CDH12: variants seen among roughly 807,000 people sequenced by gnomAD.
CDH12 encodes the protein cadherin 12.
A neutral mutation model predicts 74.1 loss-of-function variants in CDH12; 41 were observed. That is an observed-to-expected ratio of 0.55 (90% CI 0.43 to 0.72). The LOEUF (loss-of-function observed/expected upper bound fraction) is 0.72. Ranked by LOEUF, CDH12 falls within the 30% of genes least tolerant of loss-of-function variation. CDH12 has a pLI of 0.00. For missense variants in CDH12, 945 were observed against 977.2 expected, an observed-to-expected ratio of 0.97 and a Z score of 0.44; for synonymous variants, 399 against 355.0, an observed-to-expected ratio of 1.12 and a Z score of -1.39.
intron 1 of CDH12, among the ~76,000 whole-genome samples, chr5:22,644,566 T>C (rs1739336396): frequency 6.6e-6 from 1 of 151,884 alleles, no homozygotes. Context: ...TTCATGAGGT[T>C]TGAGAAGAGA....
chr5:22,304,444 C>A (rs567744840), intron 3 of CDH12, among the ~76,000 whole-genome samples: 1 of 152,140 alleles, frequency 6.6e-6, no homozygotes, highest in African/African-American at 2.4e-5. Flanking sequence ...CAAAGTCATA[C>A]ATGTATATAT....
chr5:21,827,035 A>G (rs1748713168), intron 8 of CDH12, among the ~76,000 whole-genome samples: 1 of 152,096 alleles, frequency 6.6e-6, no homozygotes, highest in Non-Finnish European at 1.5e-5. Context: ...GTTGAGAAGA[A>G]AAAGGCACAA....
intron 6 of CDH12, among the ~76,000 whole-genome samples, chr5:21,949,062 AGT>A (rs1232409121): frequency 6.6e-6 from 1 of 152,194 alleles, no homozygotes; most frequent in Admixed American, 6.5e-5. Flanking sequence ...AATCTCAGGT[AGT>A]GTCTTTATAG....
chr5:22,474,933 T>G (rs2126611864), intron 2 of CDH12, among the ~76,000 whole-genome samples: 1 of 152,042 alleles, frequency 6.6e-6, no homozygotes, highest in South Asian at 2.1e-4. Context: ...TACATTCTAT[T>G]CTCCTATTTT....
chr5:22,738,200 A>C (rs958823736), intron 1 of CDH12, among the ~76,000 whole-genome samples: 1 of 152,010 alleles, frequency 6.6e-6, no homozygotes, highest in South Asian at 2.1e-4. Flanking sequence ...CATGACTCTC[A>C]GGGCTGTCTC....
At chr5:22,330,014 C>T (rs1739280350) in intron 3 of CDH12, among the ~76,000 whole-genome samples, 1 of 152,166 alleles carries the variant, frequency 6.6e-6, no homozygotes. Flanking sequence ...TATGGAGACA[C>T]CAGCTGTGGG....
intron 4 of CDH12, among the ~76,000 whole-genome samples, chr5:22,112,511 T>C (rs559027332): frequency 2.4e-4 from 36 of 152,072 alleles, no homozygotes; most frequent in Non-Finnish European, 4.1e-4. Flanking sequence ...AACTAAAAGG[T>C]CAGTAGAGTT....
At chr5:22,122,236 C>T (rs1197842239) in intron 4 of CDH12, among the ~76,000 whole-genome samples, 1 of 152,150 alleles carries the variant, frequency 6.6e-6, no homozygotes, top group Non-Finnish European at 1.5e-5. Context: ...AACCCCGTCT[C>T]TACTAAAAAT....
intron 3 of CDH12, among the ~76,000 whole-genome samples, chr5:22,228,552 T>C (rs571733896): frequency 1.3e-5 from 2 of 152,160 alleles, no homozygotes; most frequent in South Asian, 4.1e-4. Context: ...AGAACTCATG[T>C]TTTATAAAAG....
chr5:22,319,940 C>T lies in CDH12; in HGVS notation c.-333+85317G>A, dbSNP rs146590568. On this transcript the variant is annotated intron_variant, in intron 3 of 14. Coordinates refer to ENST00000382254, the MANE Select transcript of CDH12 (RefSeq NM_004061.5). ...GAAGAAGGATAAAAAGGGGAAGAGA[C>T]GGGAGCAGGAGAAGGGAGATGGAGA... Among the ~76,000 whole-genome samples, 956 of 151,966 alleles carry T rather than the reference C, an allele frequency of 6.3e-3. 10 individuals carry two copies. Among genetic ancestry groups the T allele is most frequent in the African/African-American group, 0.022 (893 of 41,434 alleles).
chr5:21,795,725 A>G (rs939482842), intron 10 of CDH12, among the ~76,000 whole-genome samples: 6 of 152,000 alleles, frequency 3.9e-5, no homozygotes, highest in Non-Finnish European at 8.8e-5. Context: ...ACATACTGCT[A>G]TAGAATGTCA....
intron 6 of CDH12, chr5:21,889,717 C>T (rs1478671330): frequency 1.0e-6 from 1 of 985,062 alleles, no homozygotes; most frequent in Non-Finnish European, 1.2e-6. Context: ...CTAGACATCT[C>T]AAAACAATAT....
intron 1 of CDH12, among the ~76,000 whole-genome samples, chr5:22,776,703 A>G (rs997101095): frequency 1.3e-5 from 2 of 152,222 alleles, no homozygotes; most frequent in African/African-American, 4.8e-5. Flanking sequence ...AAATCAGTTA[A>G]GTAATTTGTG....
At chr5:22,242,734 G>C (rs563277268) in intron 3 of CDH12, among the ~76,000 whole-genome samples, 1 of 151,992 alleles carries the variant, frequency 6.6e-6, no homozygotes, top group Non-Finnish European at 1.5e-5. Context: ...CTGGCCTCCC[G>C]CTCCTCTTGG....
intron 1 of CDH12, among the ~76,000 whole-genome samples, chr5:22,748,038 G>A (rs1340821063): frequency 6.6e-6 from 1 of 152,274 alleles, no homozygotes; most frequent in Non-Finnish European, 1.5e-5. Context: ...AAGTGAAGAT[G>A]TTTGCCACTG....
chr5:22,426,899 A>T (rs147292521), intron 2 of CDH12, among the ~76,000 whole-genome samples: 99 of 152,258 alleles, frequency 6.5e-4, no homozygotes, highest in Non-Finnish European at 8.2e-4. Context: ...TTCACAGAAC[A>T]AAATGTTTTC....
chr5:21,945,996 T>G (rs1755562347), intron 6 of CDH12, among the ~76,000 whole-genome samples: 1 of 146,496 alleles, frequency 6.8e-6, no homozygotes, highest in African/African-American at 2.6e-5. Flanking sequence ...AAAAAAAAAA[T>G]TAAAAATCTT....
intron 6 of CDH12, among the ~76,000 whole-genome samples, chr5:21,970,655 T>A (rs2150118656): frequency 6.6e-6 from 1 of 151,372 alleles, no homozygotes; most frequent in Non-Finnish European, 1.5e-5. Context: ...GCCTGGCCAA[T>A]GTGGCAAAAC....
chr5:22,567,007 G>A (rs568124529), intron 1 of CDH12, among the ~76,000 whole-genome samples: 108 of 152,236 alleles, frequency 7.1e-4, no homozygotes, highest in Middle Eastern at 3.4e-3. Flanking sequence ...ACAAATGAGA[G>A]GTGGCTAAGG....
Sources: allele counts gnomAD v4.1 joint callset (sites outside exome capture counted in the v4.1 genomes callset), GRCh38; gene constraint gnomAD v4.1.1; transcripts MANE v1.5; gene names NCBI Gene and HGNC (gene_info 2026-07-23, HGNC 2026-07-21).